LY6L: variants seen among roughly 807,000 people sequenced by gnomAD.
LY6L encodes the protein lymphocyte antigen 6L.
LY6L carries 8 observed loss-of-function variants against 8.3 expected under a neutral mutation model. That is an observed-to-expected ratio of 0.97 (90% confidence interval 0.57 to 1.74). The LOEUF is 1.74. Ranked by LOEUF, LY6L falls within the 40% of genes most tolerant of loss-of-function variation. LY6L has a pLI of 0.00. For missense variants in LY6L, 156 were observed against 183.8 expected (o/e 0.85, Z 0.87); for synonymous variants, 79 against 77.9 (o/e 1.01, Z -0.07).
intron 3 of LY6L, 27 bp downstream of exon 3, chr8:143,081,354 G>A: frequency 7.2e-7 from 1 of 1,394,474 alleles, no homozygotes; most frequent in Non-Finnish European, 9.6e-7. Context: ...CAGAGGGCAG[G>A]TGCCAGGTGC....
At chr8:143,081,660 C>T (rs1820433407) in intron 3 of LY6L, among the ~76,000 whole-genome samples, 1 of 152,166 alleles carries the variant, frequency 6.6e-6, no homozygotes, top group Admixed American at 6.5e-5. Flanking sequence ...TGGCACAGCA[C>T]AGTACACCTG....
rs1044532358 is a variant in LY6L, at chr8:143,083,436, T to C, written c.*785T>C. Among the ~76,000 whole-genome samples the C allele has an allele frequency of 2.6e-5, 4 of 152,142 alleles. No individual in the cohort carries two copies. The highest frequency in any genetic ancestry group is 4.4e-5 in the Non-Finnish European group (3 of 68,006). ...CACTGTGGGTGCCCCCACCTGTGCA[T>C]TGGGACCACGACCTTCACCCTCTTG... On this transcript the variant is annotated 3_prime_UTR_variant, in exon 4 of 4. Coordinates refer to ENST00000562505, the MANE Select transcript of LY6L (RefSeq NM_001368160.2).
Position 143,081,032 on chromosome 8 carries a change from T to C in LY6L, c.-18-4T>C. The C allele has an allele frequency of 1.3e-6, 2 of 1,527,570 alleles. No homozygotes were observed. 94.6% of individuals were successfully genotyped at this position (1,527,570 alleles called of 1,614,324 possible). On this transcript the variant is annotated splice_polypyrimidine_tract_variant and splice_region_variant and intron_variant, in intron 1 of 3. Transcript: ENST00000562505. The stretch of plus-strand genomic sequence containing the variant: ...TCCCGCAACACCCACCTCACCCCAC[T>C]CAGGCTGAGCCTTCTGGCGTCATGG...
At position 143,082,509 on chromosome 8, in the gene LY6L, C is replaced by T; in HGVS notation, c.275C>T (p.Pro92Leu). Reference protein sequence around the residue: ...DNMKFEWSPAPMVQGVITRRC... With the variant: ...DNMKFEWSPALMVQGVITRRC... ...ATGAAGTTCGAATGGTCGCCGGCCCCCATGGTGCAAGGCGTGATCACCAGG... is the reference window on the plus strand; with the variant it reads ...ATGAAGTTCGAATGGTCGCCGGCCCTCATGGTGCAAGGCGTGATCACCAGG... Residue 92 changes from proline to leucine, a missense_variant, in exon 4 of 4, where the codon CCC becomes CTC. Coordinates refer to ENST00000562505, the MANE Select transcript of LY6L (RefSeq NM_001368160.2). 6.5e-7 allele frequency: 1 copy of T among 1,535,502 alleles called. No individual in the cohort carries two copies. The highest frequency in any genetic ancestry group is 8.7e-7 in the Non-Finnish European group (1 of 1,146,724).
chr8:143,083,314 G>A lies in LY6L; in HGVS notation c.*663G>A, dbSNP rs748526820. On this transcript the variant is annotated 3_prime_UTR_variant, in exon 4 of 4. Coordinates refer to ENST00000562505, the MANE Select transcript of LY6L (RefSeq NM_001368160.2). ...CCCTGAATGCTGTCCAGGACCCTTC[G>A]AGGGGCAGAAGAACCTGGGTGCGGC... 1.1e-4 allele frequency among the ~76,000 whole-genome samples: 16 copies of A among 152,144 alleles called. No homozygotes were observed. Among genetic ancestry groups the A allele is most frequent in the African/African-American group, 3.4e-4 (14 of 41,414 alleles).
In LY6L at chr8:143,081,333, T is replaced by TC. The variant is rs931007399; in HGVS notation, c.190+13dup. On this transcript the variant is annotated splice_region_variant and intron_variant, in intron 3 of 3. Coordinates refer to ENST00000562505, the MANE Select transcript of LY6L (RefSeq NM_001368160.2). ...CGAGGTGGTCGTCTCTTTTAGTGAG[T>TC]CCCCCCCGGGCAGAGGGCAGGTGCC... is the stretch of plus-strand genomic sequence containing the variant. 4.2e-5 allele frequency: 63 copies of TC among 1,485,626 alleles called. No individual in the cohort carries two copies. The highest frequency in any genetic ancestry group is 9.8e-5 in the African/African-American group (7 of 71,290). The allele number at this position is 1,485,626 out of a possible 1,614,324, so 92.0% of individuals were successfully genotyped here.
In LY6L at chr8:143,081,446, G is replaced by C. The variant is rs778242535; in HGVS notation, c.190+119G>C. On this transcript the variant is annotated intron_variant, in intron 3 of 3. Transcript: ENST00000562505. ...CCAGGGCCTGGGGCCCTGTGGGTCCGAAAGTGCCTCCTGCTGTCTCTCCCG... is the reference window on the plus strand; with the variant it reads ...CCAGGGCCTGGGGCCCTGTGGGTCCCAAAGTGCCTCCTGCTGTCTCTCCCG... 4.1e-5 allele frequency: 25 copies of C among 611,310 alleles called. 1 individual carries two copies. In the South Asian group the frequency reaches 4.5e-4, roughly 11 times the overall value. The allele number at this position is 611,310 out of a possible 1,614,324, so 37.9% of individuals were successfully genotyped here. A position where few individuals can be genotyped will look rare whatever the true frequency, so the allele number is the denominator to read the frequency against.
intron 1 of LY6L, 29 bp from the exon 2 acceptor site, chr8:143,081,007 T>G (rs1329306622): frequency 6.8e-7 from 1 of 1,476,168 alleles, no homozygotes; most frequent in Non-Finnish European, 9.1e-7. Context: ...GGGTGAAGCC[T>G]CCCGCAACAC....
chr8:143,082,158 C>T (rs1271151324), intron 3 of LY6L, among the ~76,000 whole-genome samples: 2 of 152,216 alleles, frequency 1.3e-5, no homozygotes, highest in African/African-American at 4.8e-5. Flanking sequence ...GGAGAAGGCC[C>T]CTTACAGCCA....
Position 143,081,021 on chromosome 8 carries a change from C to A in LY6L, c.-18-15C>A. 5 of 1,516,642 alleles carry A rather than the reference C, an allele frequency of 3.3e-6. No individual in the cohort carries two copies. The highest frequency in any genetic ancestry group is 2.7e-6 in the Non-Finnish European group (3 of 1,131,156). 93.9% of individuals were successfully genotyped at this position (1,516,642 alleles called of 1,614,324 possible). On this transcript the variant is annotated splice_polypyrimidine_tract_variant and intron_variant, in intron 1 of 3. Coordinates refer to ENST00000562505, the MANE Select transcript of LY6L (RefSeq NM_001368160.2). Reference sequence around the variant, plus strand: ...TGGGTGAAGCCTCCCGCAACACCCACCTCACCCCACTCAGGCTGAGCCTTC... The same window carrying A: ...TGGGTGAAGCCTCCCGCAACACCCAACTCACCCCACTCAGGCTGAGCCTTC...
chr8:143,082,307 G>T, intron 3 of LY6L, 118 bp from the exon 4 acceptor site: 2 of 707,470 alleles, frequency 2.8e-6, no homozygotes, highest in Non-Finnish European at 4.7e-6. Flanking sequence ...CAGGTTACGT[G>T]CTCTAGCTCT....
chr8:143,080,972 C>A, intron 1 of LY6L, 64 bp from the exon 2 acceptor site: 1 of 1,223,330 alleles, frequency 8.2e-7, no homozygotes, highest in Non-Finnish European at 1.1e-6. Context: ...CGTCCGGGAG[C>A]AGGAAGCTGG....
Position 143,082,811 on chromosome 8 carries a change from C to G in LY6L, c.*160C>G. ...TTGCCTCCATCCCGGATCTAGCCAC[C>G]TCACTCCTCCCCACCGGGGGCCCCT... On this transcript the variant is annotated 3_prime_UTR_variant, in exon 4 of 4. Transcript: ENST00000562505. 1 of 610,416 alleles carries G rather than the reference C, an allele frequency of 1.6e-6. No homozygotes were observed. Among genetic ancestry groups the G allele is most frequent in the Non-Finnish European group, 2.7e-6 (1 of 371,220 alleles). The allele number at this position is 610,416 out of a possible 1,614,324, so 37.8% of individuals were successfully genotyped here. A position where few individuals can be genotyped will look rare whatever the true frequency, so the allele number is the denominator to read the frequency against.
At chr8:143,081,793 TATAATGCTAC>T (rs1485371621) in intron 3 of LY6L, among the ~76,000 whole-genome samples, 1 of 152,156 alleles carries the variant, frequency 6.6e-6, no homozygotes, top group Non-Finnish European at 1.5e-5. Context: ...TACGATGTAA[TATAATGCTAC>T]ATAATACAAC....
chr8:143,082,553 C>T lies in LY6L; in HGVS notation c.319C>T (p.Leu107Phe), dbSNP rs766484663. ...CACCAGGCGCTGCTGTTCCTGGGCTCTCTGCAACAGGGCACTGACCCCACA... is the reference window on the plus strand; with the variant it reads ...CACCAGGCGCTGCTGTTCCTGGGCTTTCTGCAACAGGGCACTGACCCCACA... ...VITRRCCSWA[L>F]CNRALTPQEG... is the part of the protein sequence containing the mutation. The change falls in exon 4 of 4, where the codon CTC becomes TTC. Residue 107 changes from leucine (L) to phenylalanine (F), a missense_variant. Leu to Phe is a conservative substitution (Grantham distance 22). Transcript: ENST00000562505. 1.2e-5 allele frequency: 18 copies of T among 1,535,368 alleles called. 1 individual carries two copies. The South Asian group carries it at 2.1e-4, about 18-fold the overall frequency.
In LY6L at chr8:143,082,172, G is replaced by A. The variant is rs12675033; in HGVS notation, c.191-253G>A. Reference sequence around the variant, plus strand: ...GGGAGAAGGCCCCTTACAGCCAGTTGCCCTGGAGTCTGTATTTGCTGTGCC... The same window carrying A: ...GGGAGAAGGCCCCTTACAGCCAGTTACCCTGGAGTCTGTATTTGCTGTGCC... On this transcript the variant is annotated intron_variant, in intron 3 of 3. Transcript: ENST00000562505. 4.7e-4 allele frequency among the ~76,000 whole-genome samples: 71 copies of A among 152,344 alleles called. No individual in the cohort carries two copies. In the East Asian group the frequency reaches 0.013, roughly 29 times the overall value.
intron 2 of LY6L, 31 bp downstream of exon 2, chr8:143,081,157 G>C (rs1300238550): frequency 2.6e-6 from 4 of 1,531,444 alleles, no homozygotes; most frequent in Non-Finnish European, 3.5e-6. Context: ...GGCTGGGGGC[G>C]TCGGGGCTGG....
At chr8:143,080,910 C>A in intron 1 of LY6L, 126 bp from the exon 2 acceptor site, 1 of 673,930 alleles carries the variant, frequency 1.5e-6, no homozygotes, top group African/African-American at 1.9e-5. Context: ...AAGCCGCGTC[C>A]GGGAGCGCAG....
intron 2 of LY6L, 26 bp downstream of exon 2, chr8:143,081,152 G>C: frequency 1.3e-6 from 2 of 1,532,664 alleles, no homozygotes; most frequent in Non-Finnish European, 1.7e-6. Context: ...GGCTGGGCTG[G>C]GGGCGTCGGG....
Sources: allele counts gnomAD v4.1 joint callset (sites outside exome capture counted in the v4.1 genomes callset), GRCh38; gene constraint gnomAD v4.1.1; transcripts MANE v1.5; gene names NCBI Gene and HGNC (gene_info 2026-07-23, HGNC 2026-07-21).